Variants in FNBP1 observed in about 807,000 individuals in gnomAD.
FNBP1 encodes formin-binding protein 1.
Under a neutral mutation model 90.6 loss-of-function variants are expected in FNBP1, and 26 were observed. The observed-to-expected ratio is 0.29, with a 90% CI of 0.21 to 0.40. The LOEUF (loss-of-function observed/expected upper bound fraction) is 0.40. FNBP1 is among the 10% of genes least tolerant of loss of function. The probability of loss-of-function intolerance (pLI) is 1.00; values close to 1 mark genes in which losing one functional copy is unlikely to be tolerated. For synonymous variants in FNBP1, 260 were observed against 265.2 expected (o/e 0.98, Z 0.19); for missense variants, 635 against 768.0 (o/e 0.83, Z 2.05).
Position 130,041,761 on chromosome 9 carries a change from T to A in FNBP1, c.24+1191A>T, listed in dbSNP as rs937258331. ...CTAACAAATGGTTATGTAAAAACAA[T>A]TAAAGCAAAAGAAAACAAAACAAAA... is the stretch of plus-strand genomic sequence containing the variant. On this transcript the variant is annotated intron_variant, in intron 1 of 16. Transcript: ENST00000446176. The surrounding 1 kb of genome is among the most constrained non-coding windows in gnomAD (Gnocchi z 4.3). 6.6e-6 allele frequency among the ~76,000 whole-genome samples: 1 copy of A among 152,086 alleles called. No individual in the cohort carries two copies.
intron 6 of FNBP1, among the ~76,000 whole-genome samples, chr9:129,944,394 A>G (rs1588743240): frequency 1.3e-5 from 2 of 151,882 alleles, no homozygotes; most frequent in East Asian, 3.9e-4. Flanking sequence ...TACAAAAATT[A>G]GCTGGGCGTC....
the FNBP1 span, among the ~76,000 whole-genome samples, chr9:130,051,670 C>T: frequency 6.6e-6 from 1 of 152,096 alleles, no homozygotes; most frequent in Non-Finnish European, 1.5e-5. Context: ...CAAAAATTAG[C>T]TGAGCATACT....
chr9:129,915,887 G>T, intron 11 of FNBP1, 79 bp downstream of exon 11: 1 of 988,572 alleles, frequency 1.0e-6, no homozygotes, highest in Non-Finnish European at 1.6e-6. Flanking sequence ...AAGATACGTT[G>T]TGCATGGCAT....
chr9:130,044,708 A>T (rs2060041648), upstream of FNBP1: 1 of 152,158 alleles, frequency 6.6e-6, no homozygotes, highest in Non-Finnish European at 1.5e-5. Flanking sequence ...GGCAGAAGTG[A>T]GTGGATCATC....
At chr9:129,927,051 C>G in intron 8 of FNBP1, 144 bp downstream of exon 8, 1 of 708,438 alleles carries the variant, frequency 1.4e-6, no homozygotes, top group Admixed American at 2.8e-5. Context: ...AATTATACAG[C>G]TAAATCCAAG....
intron 6 of FNBP1, among the ~76,000 whole-genome samples, 191 bp from the exon 7 acceptor site, chr9:129,929,886 T>TA (rs1388257134): frequency 6.6e-6 from 1 of 152,196 alleles, no homozygotes; most frequent in Non-Finnish European, 1.5e-5. Flanking sequence ...CTAGTTTGTA[T>TA]AAACCTCCAC....
At chr9:129,909,079 A>AC (rs745354854) in intron 11 of FNBP1, 80 bp from the exon 12 acceptor site, 1 of 846,424 alleles carries the variant, frequency 1.2e-6, no homozygotes. Context: ...GCCTGCAGCC[A>AC]TGGGGGGTGC....
At chr9:129,909,529 C>T (rs2038828762) in intron 11 of FNBP1, among the ~76,000 whole-genome samples, 2 of 152,044 alleles carry the variant, frequency 1.3e-5, no homozygotes, top group Non-Finnish European at 2.9e-5. Flanking sequence ...ACATCACATT[C>T]CTCAGAGAAT....
rs926658005 is a variant in FNBP1 at position 129,899,733 on chromosome 9, A to AAAGG, written c.1687+228_1687+231dup. Among the ~76,000 whole-genome samples the AAAGG allele has an allele frequency of 1.7e-4, 25 of 147,782 alleles. No homozygotes were observed. In the Middle Eastern group the frequency reaches 0.01, roughly 61 times the overall value. ...AAGAGAGCGAGACCCTGTATGAAAA[A>AAAGG]AAGGAAGGAAGGAAGGAAGGGAAGG... On this transcript the variant is annotated intron_variant, in intron 15 of 16. Coordinates refer to ENST00000446176, the MANE Select transcript of FNBP1 (RefSeq NM_015033.3).
chr9:130,035,838 C>T (rs906640725), intron 1 of FNBP1, among the ~76,000 whole-genome samples: 8 of 151,910 alleles, frequency 5.3e-5, no homozygotes, highest in Admixed American at 3.3e-4. Flanking sequence ...CCCAGCTACT[C>T]GGGAGGCTGA....
At chr9:129,920,757 C>T (rs2040958610) in intron 10 of FNBP1, among the ~76,000 whole-genome samples, 1 of 152,014 alleles carries the variant, frequency 6.6e-6, no homozygotes, top group Admixed American at 6.6e-5. Flanking sequence ...GACACATAAA[C>T]AAATGGTAAA....
At chr9:129,910,504 A>AAAAAG (rs1298095363) in intron 11 of FNBP1, among the ~76,000 whole-genome samples, 4,099 of 103,826 alleles carry the variant, frequency 0.039, 871 homozygotes, top group Middle Eastern at 0.056. Flanking sequence ...AAAAAAAAAA[A>AAAAAG]AGAGAGAGAG....
intron 4 of FNBP1, among the ~76,000 whole-genome samples, chr9:129,973,807 C>CT (rs993234891): frequency 2.2e-5 from 3 of 133,616 alleles, no homozygotes; most frequent in Middle Eastern, 9.9e-3. Context: ...CTGGCCTCTT[C>CT]TTTTTTTTTC....
At chr9:130,017,274 A>G (rs2057334649) in intron 1 of FNBP1, among the ~76,000 whole-genome samples, 1 of 152,152 alleles carries the variant, frequency 6.6e-6, no homozygotes, top group Non-Finnish European at 1.5e-5. Flanking sequence ...GTGTTTATAT[A>G]CCTATAAACC....
intron 1 of FNBP1, among the ~76,000 whole-genome samples, chr9:129,999,546 G>A (rs2054520921): frequency 6.6e-6 from 1 of 151,538 alleles, no homozygotes; most frequent in South Asian, 2.1e-4. Flanking sequence ...TGCAGTGAGT[G>A]GAAATCGCAC....
chr9:129,908,887 T>C lies in FNBP1; in HGVS notation c.1295+3A>G. The stretch of plus-strand genomic sequence containing the variant: ...CTTAATAAGTCATATTGATGCACTA[T>C]ACCTTTGATCCATCTCCTTCTGAAT... On this transcript the variant is annotated splice_donor_region_variant and intron_variant, in intron 12 of 16. Coordinates refer to ENST00000446176, the MANE Select transcript of FNBP1 (RefSeq NM_015033.3). 6.3e-7 allele frequency: 1 copy of C among 1,585,740 alleles called. No homozygotes were observed. Among genetic ancestry groups the C allele is most frequent in the Non-Finnish European group, 8.7e-7 (1 of 1,155,792 alleles).
At position 130,034,312 on chromosome 9, in the gene FNBP1, CAA is replaced by C. The variant is rs3055753; in HGVS notation, c.24+8638_24+8639del. On this transcript the variant is annotated intron_variant, in intron 1 of 16. Transcript: ENST00000446176. ...TGGGCGACAGAGCAAGACTCCATCT[CAA>C]AAAAAAAAAAAAAAACAAGTTGGTC... 5.2e-3 allele frequency among the ~76,000 whole-genome samples: 619 copies of C among 118,356 alleles called. 2 individuals carry two copies. The highest frequency in any genetic ancestry group is 0.01 in the African/African-American group (326 of 31,262). The allele number at this position is 118,356 out of a possible 152,430, so 77.6% of individuals were successfully genotyped here. A position where few individuals can be genotyped will look rare whatever the true frequency, so the allele number is the denominator to read the frequency against.
chr9:130,003,480 A>G (rs1452381169), intron 1 of FNBP1, among the ~76,000 whole-genome samples: 1 of 152,014 alleles, frequency 6.6e-6, no homozygotes, highest in Admixed American at 6.6e-5. Flanking sequence ...GGAGGTACAT[A>G]CCTGTAATCC....
Position 129,888,650 on chromosome 9 carries a change from A to C in FNBP1, c.*1889T>G. ...CAGTCAGAGAGGCTCACGCTCACCT[A>C]CTTTAAAAACCCAAAGCCACTTCCT... On this transcript the variant is annotated 3_prime_UTR_variant, in exon 17 of 17. Transcript: ENST00000446176. 1 of 232,962 alleles carries C rather than the reference A, an allele frequency of 4.3e-6. No individual in the cohort carries two copies. The highest frequency in any genetic ancestry group is 8.5e-6 in the Non-Finnish European group (1 of 117,900). The allele number at this position is 232,962 out of a possible 1,614,324, so 14.4% of individuals were successfully genotyped here.
Sources: gnomAD v4.1 joint callset for allele counts (sites outside exome capture counted in the v4.1 genomes callset) on GRCh38, gnomAD v4.1.1 for gene constraint, Gnocchi (gnomAD v3.1) non-coding constraint, MANE v1.5 for transcripts, NCBI Gene and HGNC (gene_info 2026-07-23, HGNC 2026-07-21) for gene names.